The following IRS2 variants were observed in gnomAD, a reference collection of about 807,000 sequenced individuals.
IRS2 encodes insulin receptor substrate 2.
In IRS2, 28 loss-of-function variants were observed where a neutral mutation model predicts 70.9. That is an observed-to-expected ratio of 0.39 (90% CI 0.29 to 0.54). The LOEUF is 0.54. IRS2 is among the 20% of genes least tolerant of loss of function. The pLI is 0.59. For synonymous variants in IRS2, 1,217 were observed against 981.9 expected (o/e 1.24, Z -4.48); for missense variants, 2,081 against 2,024.1 (o/e 1.03, Z -0.54).
chr13:109,784,531 C>A lies in IRS2; in HGVS notation c.1523G>T (p.Gly508Val), dbSNP rs2138936127. Residue 508 changes from glycine (G) to valine (V), a missense_variant, in exon 1 of 2, where the codon GGC becomes GTC. Physicochemically the swap from Gly to Val is moderately radical, Grantham distance 109. Around this residue, in one of 4 missense-constraint regions of IRS2, gnomAD observed 1,615 missense variants for 1,459.5 expected, o/e 1.11. Coordinates refer to ENST00000375856, the MANE Select transcript of IRS2 (RefSeq NM_003749.3). The surrounding 1 kb of genome is among the most constrained non-coding windows in gnomAD (Gnocchi z 5.2). ...MSLDEYGSSP[G>V]DLRAFCSHRS... ...GTGGCTGCAGAAGGCGCGCAGGTCG[C>A]CTGGGCTGGAGCCGTACTCGTCCAG... 1 of 1,522,228 alleles carries A rather than the reference C, an allele frequency of 6.6e-7. No individual in the cohort carries two copies. The highest frequency in any genetic ancestry group is 8.8e-7 in the Non-Finnish European group (1 of 1,137,930). The allele number at this position is 1,522,228 out of a possible 1,614,324, so 94.3% of individuals were successfully genotyped here.
At position 109,784,291 on chromosome 13, in the gene IRS2, G is replaced by C; in HGVS notation, c.1763C>G (p.Pro588Arg). ...LTTPARQRPV[P>R]QPSSASLDEY... ...ATCCAGCGAGGCAGAGGAGGGCTGGGGCACCGGCCGCTGCCGGGCTGGCGT... is the reference window on the plus strand; with the variant it reads ...ATCCAGCGAGGCAGAGGAGGGCTGGCGCACCGGCCGCTGCCGGGCTGGCGT... Residue 588 changes from proline to arginine, a missense_variant, in exon 1 of 2, where the codon CCC becomes CGC. By Grantham distance (103) the Pro-to-Arg change is moderately radical. This residue lies in a region of IRS2 where 1,615 missense variants were observed against 1,459.5 expected (regional missense o/e 1.11). Coordinates refer to ENST00000375856, the MANE Select transcript of IRS2 (RefSeq NM_003749.3). The surrounding 1 kb of genome is among the most constrained non-coding windows in gnomAD (Gnocchi z 5.2). 1.3e-6 allele frequency: 2 copies of C among 1,598,206 alleles called. No homozygotes were observed. The highest frequency in any genetic ancestry group is 1.7e-6 in the Non-Finnish European group (2 of 1,172,616).
chr13:109,784,222 C>A lies in IRS2; in HGVS notation c.1832G>T (p.Arg611Leu), dbSNP rs45545638. Reference sequence around the variant, plus strand: ...GGACGCGGGGCAGGACGGGCAGAGGCGGCCCGCGCTGCCCGAGAAGGTGGC... The same window carrying A: ...GGACGCGGGGCAGGACGGGCAGAGGAGGCCCGCGCTGCCCGAGAAGGTGGC... ...MRATFSGSAGRLCPSCPASSP... is the reference protein window; with the variant it reads ...MRATFSGSAGLLCPSCPASSP... The change falls in exon 1 of 2, where the codon CGC becomes CTC. Residue 611 changes from arginine (R) to leucine (L), a missense_variant. By Grantham distance (102) the Arg-to-Leu change is moderately radical. Coordinates refer to ENST00000375856, the MANE Select transcript of IRS2 (RefSeq NM_003749.3). The surrounding 1 kb of genome is among the most constrained non-coding windows in gnomAD (Gnocchi z 5.2). 1 of 1,567,978 alleles carries A rather than the reference C, an allele frequency of 6.4e-7. No individual in the cohort carries two copies.
At chr13:109,759,146 C>T (rs1457921278) in intron 1 of IRS2, among the ~76,000 whole-genome samples, 1 of 152,234 alleles carries the variant, frequency 6.6e-6, no homozygotes, top group Admixed American at 6.5e-5. Context: ...GCACAACGTG[C>T]ATGTGTCTCA....
chr13:109,782,868 C>G lies in IRS2; in HGVS notation c.3186G>C (p.Leu1062Phe), dbSNP rs1282193936. The G allele has an allele frequency of 6.3e-7, 1 of 1,575,574 alleles. No homozygotes were observed. ...CACCATTGTCCCCGGTGTCCGAGGACAACGATGAGGCGGCGCCCGGGCCCT... is the reference window on the plus strand; with the variant it reads ...CACCATTGTCCCCGGTGTCCGAGGAGAACGATGAGGCGGCGCCCGGGCCCT... ...TAQGPGAASS[L>F]SSDTGDNGDY... The change falls in exon 1 of 2, where the codon TTG (leucine) becomes TTC (phenylalanine). Residue 1062 changes from leucine (L) to phenylalanine (F), a missense_variant. By Grantham distance (22) the Leu-to-Phe change is conservative (BLOSUM62 0). Transcript: ENST00000375856.
At chr13:109,765,515 G>T (rs1345032565) in intron 1 of IRS2, among the ~76,000 whole-genome samples, 3 of 140,778 alleles carry the variant, frequency 2.1e-5, no homozygotes, top group Non-Finnish European at 4.6e-5. Flanking sequence ...CAAGCATGTA[G>T]ATATCCCAGC....
intron 1 of IRS2, among the ~76,000 whole-genome samples, chr13:109,770,106 C>T (rs531899065): frequency 2.0e-5 from 3 of 152,322 alleles, no homozygotes; most frequent in South Asian, 2.1e-4. Context: ...TTCCTTCTTT[C>T]GCCTACACTG....
At position 109,784,586 on chromosome 13, in the gene IRS2, C is replaced by T. The variant is rs757231231; in HGVS notation, c.1468G>A (p.Gly490Ser). The stretch of plus-strand genomic sequence containing the variant: ...ATGAAGCCGGGGTCGCTGGGGGAGC[C>T]CGAGGCGGAGGCGCTGCCGCTGGAG... Reference protein sequence around the residue: ...RPSSGSASASGSPSDPGFMSL... With the variant: ...RPSSGSASASSSPSDPGFMSL... The change falls in exon 1 of 2, where the codon GGC (glycine) becomes AGC (serine). Residue 490 changes from glycine (G) to serine (S), a missense_variant. Physicochemically the swap from Gly to Ser is moderately conservative, Grantham distance 56. Coordinates refer to ENST00000375856, the MANE Select transcript of IRS2 (RefSeq NM_003749.3). The surrounding 1 kb of genome is among the most constrained non-coding windows in gnomAD (Gnocchi z 5.2). 7.6e-5 allele frequency: 104 copies of T among 1,370,224 alleles called. No individual in the cohort carries two copies. The highest frequency in any genetic ancestry group is 1.8e-5 in the Non-Finnish European group (19 of 1,067,188). The allele number at this position is 1,370,224 out of a possible 1,614,324, so 84.9% of individuals were successfully genotyped here.
rs1290645413 is a variant in IRS2, at chr13:109,786,132, C to T, written c.-79G>A. On this transcript the variant is annotated 5_prime_UTR_variant, in exon 1 of 2. Transcript: ENST00000375856. This position sits in a 1 kb window ranked among gnomAD's most constrained non-coding sequence, Gnocchi z 4.4. Reference sequence around the variant, plus strand: ...GGGGCGGAGGGGGCGCGGGCGGGGGCGGCTCCCTCCCACCCTTGCGCCCGG... The same window carrying T: ...GGGGCGGAGGGGGCGCGGGCGGGGGTGGCTCCCTCCCACCCTTGCGCCCGG... The T allele has an allele frequency of 2.5e-6, 2 of 812,694 alleles. No homozygotes were observed. The highest frequency in any genetic ancestry group is 3.0e-6 in the Non-Finnish European group (2 of 674,752). The allele number at this position is 812,694 out of a possible 1,614,324, so 50.3% of individuals were successfully genotyped here.
At position 109,785,037 on chromosome 13, in the gene IRS2, C is replaced by T. The variant is rs762211752; in HGVS notation, c.1017G>A (p.Val339=). Residue 339 remains valine, a synonymous_variant, in exon 1 of 2, where the codon GTG becomes GTA. Transcript: ENST00000375856. This position sits in a 1 kb window ranked among gnomAD's most constrained non-coding sequence, Gnocchi z 9.3. ...CCAGGCTGTCGGTGCGCGAGCGGCG[C>T]ACCAGGCCCGTCTGGCTGGGGGGCA... is the stretch of plus-strand genomic sequence containing the variant. ...VNLPPSQTGL[V]RRSRTDSLAA... is the part of the protein sequence containing the mutation. The T allele has an allele frequency of 2.6e-6, 4 of 1,534,726 alleles. No homozygotes were observed. The South Asian group carries it at 4.8e-5, about 19-fold the overall frequency.
chr13:109,782,007 T>C, intron 1 of IRS2, 35 bp downstream of exon 1: 1 of 1,607,472 alleles, frequency 6.2e-7, no homozygotes, highest in South Asian at 1.1e-5. Flanking sequence ...CCGCCCCTCC[T>C]TCCCGCCAGA....
chr13:109,765,092 T>C (rs1341833208), intron 1 of IRS2, among the ~76,000 whole-genome samples: 2 of 152,026 alleles, frequency 1.3e-5, no homozygotes, highest in African/African-American at 4.8e-5. Flanking sequence ...CAATGCATCA[T>C]CAACAGGCTG....
chr13:109,755,799 G>A lies in IRS2; in HGVS notation c.*505C>T, dbSNP rs932695770. On this transcript the variant is annotated 3_prime_UTR_variant, in exon 2 of 2. Coordinates refer to ENST00000375856, the MANE Select transcript of IRS2 (RefSeq NM_003749.3). Reference sequence around the variant, plus strand: ...ACACAGCGCAGGGGCTACTACAGGAGGTCCTGTGGGACCCCCGCCACGGAA... The same window carrying A: ...ACACAGCGCAGGGGCTACTACAGGAAGTCCTGTGGGACCCCCGCCACGGAA... 1 of 225,128 alleles carries A rather than the reference G, an allele frequency of 4.4e-6. No homozygotes were observed. Among genetic ancestry groups the A allele is most frequent in the African/African-American group, 2.3e-5 (1 of 44,142 alleles). 13.9% of individuals were successfully genotyped at this position (225,128 alleles called of 1,614,324 possible).
chr13:109,762,828 A>G (rs1469355799), intron 1 of IRS2, among the ~76,000 whole-genome samples: 2 of 152,236 alleles, frequency 1.3e-5, no homozygotes, highest in East Asian at 1.9e-4. Context: ...AATGCTCAAT[A>G]AAGTTTTCTA....
chr13:109,783,275 G>A lies in IRS2; in HGVS notation c.2779C>T (p.Pro927Ser), dbSNP rs2138932195. ...GEYINIDFGE[P>S]GARLSPPAPP... Reference sequence around the variant, plus strand: ...GCGGGCGGCGACAGGCGGGCCCCGGGCTCGCCAAAGTCGATGTTGATGTAC... The same window carrying A: ...GCGGGCGGCGACAGGCGGGCCCCGGACTCGCCAAAGTCGATGTTGATGTAC... Residue 927 changes from proline to serine, a missense_variant, in exon 1 of 2, where the codon CCC becomes TCC. By Grantham distance (74) the Pro-to-Ser change is moderately conservative. Coordinates refer to ENST00000375856, the MANE Select transcript of IRS2 (RefSeq NM_003749.3). 2 of 1,465,054 alleles carry A rather than the reference G, an allele frequency of 1.4e-6. No individual in the cohort carries two copies. The highest frequency in any genetic ancestry group is 1.8e-6 in the Non-Finnish European group (2 of 1,113,810). The allele number at this position is 1,465,054 out of a possible 1,614,324, so 90.8% of individuals were successfully genotyped here. A position where few individuals can be genotyped will look rare whatever the true frequency, so the allele number is the denominator to read the frequency against.
At position 109,755,882 on chromosome 13, in the gene IRS2, AATACCAG is replaced by A. The variant is rs1347299829; in HGVS notation, c.*415_*421del. 1 of 266,624 alleles carries A rather than the reference AATACCAG, an allele frequency of 3.8e-6. No individual in the cohort carries two copies. Among genetic ancestry groups the A allele is most frequent in the Non-Finnish European group, 7.3e-6 (1 of 136,806 alleles). The allele number at this position is 266,624 out of a possible 1,614,324, so 16.5% of individuals were successfully genotyped here. On this transcript the variant is annotated 3_prime_UTR_variant, in exon 2 of 2. Transcript: ENST00000375856. Reference sequence around the variant, plus strand: ...TGGTCGTTTTGAGTGTAAGCCAGTAAATACCAGATTTTACCACTTCCATAGGTACGGG... The same window carrying A: ...TGGTCGTTTTGAGTGTAAGCCAGTAAATTTTACCACTTCCATAGGTACGGG...
chr13:109,763,856 T>C (rs1877279113), intron 1 of IRS2, among the ~76,000 whole-genome samples: 1 of 152,266 alleles, frequency 6.6e-6, no homozygotes, highest in Non-Finnish European at 1.5e-5. Flanking sequence ...ATTCACAATA[T>C]ATCCATCTCC....
At position 109,784,158 on chromosome 13, in the gene IRS2, G is replaced by A. The variant is rs1354848601; in HGVS notation, c.1896C>T (p.Tyr632=). ...TGTGGGAGCCGATCTCGATGTCTCC[G>A]TAGTCCTCTGGGTAGGGGTGGTAGG... is the stretch of plus-strand genomic sequence containing the variant. ...KVAYHPYPED[Y]GDIEIGSHRS... The change falls in exon 1 of 2, where the codon TAC becomes TAT. Residue 632 remains tyrosine (Y), a synonymous_variant. Coordinates refer to ENST00000375856, the MANE Select transcript of IRS2 (RefSeq NM_003749.3). The surrounding 1 kb of genome is among the most constrained non-coding windows in gnomAD (Gnocchi z 5.2). 3.1e-6 allele frequency: 5 copies of A among 1,589,680 alleles called. No individual in the cohort carries two copies. Among genetic ancestry groups the A allele is most frequent in the Non-Finnish European group, 4.3e-6 (5 of 1,173,560 alleles).
In IRS2 at chr13:109,785,972, T is replaced by G. The variant is rs769951329; in HGVS notation, c.82A>C (p.Asn28His). ...PNLNNNNNNN[N>H]HSVRKCGYLR... ...TAGCCGCACTTGCGCACGCTGTGGT[T>G]GTTGTTGTTGTTGTTGTTGTTGAGG... Residue 28 changes from asparagine (N) to histidine (H), a missense_variant, in exon 1 of 2, where the codon AAC (asparagine) becomes CAC (histidine). By Grantham distance (68) the Asn-to-His change is moderately conservative. Transcript: ENST00000375856. The surrounding 1 kb of genome is among the most constrained non-coding windows in gnomAD (Gnocchi z 9.3). 6.6e-5 allele frequency: 96 copies of G among 1,451,200 alleles called. 1 individual carries two copies. Among genetic ancestry groups the G allele is most frequent in the Middle Eastern group, 1.8e-4 (1 of 5,564 alleles). The allele number at this position is 1,451,200 out of a possible 1,614,324, so 89.9% of individuals were successfully genotyped here.
rs974586038 is a variant in IRS2, at chr13:109,786,083, C to G, written c.-30G>C. The G allele has an allele frequency of 9.6e-7, 1 of 1,044,730 alleles. No individual in the cohort carries two copies. Among genetic ancestry groups the G allele is most frequent in the Non-Finnish European group, 1.1e-6 (1 of 874,434 alleles). 64.7% of individuals were successfully genotyped at this position (1,044,730 alleles called of 1,614,324 possible). ...GGCGCTTCAGGCCGCGCGGCCCGGG[C>G]CCGGCGCCCAGGGGTTGGGGCGAGG... On this transcript the variant is annotated 5_prime_UTR_variant, in exon 1 of 2. Transcript: ENST00000375856. The surrounding 1 kb of genome is among the most constrained non-coding windows in gnomAD (Gnocchi z 4.4).
Sources: allele counts gnomAD v4.1 joint callset (sites outside exome capture counted in the v4.1 genomes callset), GRCh38; gene constraint gnomAD v4.1.1; regional missense constraint gnomAD v4.1.1; non-coding constraint Gnocchi (gnomAD v3.1); transcripts MANE v1.5; gene names NCBI Gene and HGNC (gene_info 2026-07-23, HGNC 2026-07-21).